Variants in ZNF626 observed in about 807,000 individuals in gnomAD.
The protein encoded by ZNF626 is zinc finger protein 626.
ZNF626 carries 4 observed loss-of-function variants against 11.7 expected under a neutral mutation model. The ratio of observed to expected loss-of-function variants is 0.34; its 90% CI spans 0.17 to 0.78. ZNF626 has a LOEUF of 0.78. Among genes scored for constraint, ZNF626 ranks in the 30% least tolerant of loss-of-function variants. ZNF626 has a pLI of 0.57. For missense variants in ZNF626, 588 were observed against 587.1 expected, an observed-to-expected ratio of 1.00 and a Z score of -0.01; for synonymous variants, 179 against 198.6, an observed-to-expected ratio of 0.90 and a Z score of 0.83.
intron 1 of ZNF626, among the ~76,000 whole-genome samples, chr19:20,652,139 T>C (rs1313442558): frequency 3.3e-5 from 5 of 152,190 alleles, no homozygotes; most frequent in African/African-American, 1.2e-4. Context: ...GTCCGGTCCT[T>C]TTTTGTAAAT....
intron 1 of ZNF626, among the ~76,000 whole-genome samples, chr19:20,657,463 C>G (rs1970216874): frequency 6.6e-6 from 1 of 151,830 alleles, no homozygotes; most frequent in African/African-American, 2.4e-5. Flanking sequence ...AAAAAATGAC[C>G]ATGTCCTTTG....
intron 1 of ZNF626, among the ~76,000 whole-genome samples, chr19:20,655,893 C>A (rs1970199569): frequency 6.6e-6 from 1 of 151,848 alleles, no homozygotes; most frequent in Non-Finnish European, 1.5e-5. Context: ...CGAGATCGCG[C>A]CACTGCACTC....
At chr19:20,659,853 G>C (rs1457339003) in intron 1 of ZNF626, among the ~76,000 whole-genome samples, 1 of 151,910 alleles carries the variant, frequency 6.6e-6, no homozygotes, top group East Asian at 1.9e-4. Flanking sequence ...CTGCCTGTGG[G>C]GCCCCAGCTT....
intron 3 of ZNF626, among the ~76,000 whole-genome samples, chr19:20,632,632 G>A (rs1057199606): frequency 2.6e-5 from 4 of 152,142 alleles, no homozygotes; most frequent in Admixed American, 1.3e-4. Flanking sequence ...TTGGTTTTCA[G>A]CTCCATCAGG....
chr19:20,631,682 C>A (rs1969907553), intron 3 of ZNF626, among the ~76,000 whole-genome samples: 1 of 150,618 alleles, frequency 6.6e-6, no homozygotes, highest in African/African-American at 2.5e-5. Context: ...CTATGTGTGT[C>A]CCTGCACGTG....
rs868993941 is a variant in ZNF626 at position 20,625,005 on chromosome 19, C to T, written c.872G>A (p.Gly291Asp). ...EKKPYKCEEC[G>D]KAFNRSSTLT... is the part of the protein sequence containing the mutation. ...GGTTGAGGACCGGTTGAAGGCTTTG[C>T]CACATTCTTCACATTTGTAGGGTTT... Residue 291 changes from glycine to aspartate, a missense_variant, in exon 4 of 4, where the codon GGC becomes GAC. Physicochemically the swap from Gly to Asp is moderately conservative, Grantham distance 94. Around this residue, in one of 4 missense-constraint regions of ZNF626, gnomAD observed 524 missense variants for 470.1 expected, o/e 1.11. Transcript: ENST00000601440. 1 of 1,613,690 alleles carries T rather than the reference C, an allele frequency of 6.2e-7. No individual in the cohort carries two copies. Among genetic ancestry groups the T allele is most frequent in the East Asian group, 2.2e-5 (1 of 44,866 alleles).
At chr19:20,625,762 G>GA in intron 3 of ZNF626, 112 bp from the exon 4 acceptor site, 1 of 1,090,012 alleles carries the variant, frequency 9.2e-7, no homozygotes, top group Non-Finnish European at 1.2e-6. Context: ...GATGACACAG[G>GA]AAAATACCAC....
At chr19:20,633,886 G>A (rs142706798) in intron 3 of ZNF626, among the ~76,000 whole-genome samples, 2,391 of 152,284 alleles carry the variant, frequency 0.016, 29 homozygotes, top group Non-Finnish European at 0.027. Flanking sequence ...TATCGCTCAC[G>A]TTGGGAGCTG....
chr19:20,626,520 C>G (rs1359720003), intron 3 of ZNF626, among the ~76,000 whole-genome samples: 1 of 152,142 alleles, frequency 6.6e-6, no homozygotes, highest in Non-Finnish European at 1.5e-5. Context: ...GAATTTGAGA[C>G]CAGCCTGGCC....
At chr19:20,647,405 T>C (rs892721882) in intron 1 of ZNF626, among the ~76,000 whole-genome samples, 3 of 151,134 alleles carry the variant, frequency 2.0e-5, no homozygotes, top group African/African-American at 7.3e-5. Flanking sequence ...AACTCTATAG[T>C]GAAAAAAATA....
chr19:20,636,133 A>C (rs1324932593), intron 3 of ZNF626, among the ~76,000 whole-genome samples: 1 of 152,120 alleles, frequency 6.6e-6, no homozygotes, highest in Non-Finnish European at 1.5e-5. Context: ...ATTCCCTCTC[A>C]AAAAAACCAA....
intron 3 of ZNF626, among the ~76,000 whole-genome samples, chr19:20,644,455 G>A (rs1970053591): frequency 6.6e-6 from 1 of 152,192 alleles, no homozygotes; most frequent in Non-Finnish European, 1.5e-5. Flanking sequence ...CAGCAGCCTT[G>A]TGACCAAGCT....
Position 20,625,274 on chromosome 19 carries a change from G to A in ZNF626, c.603C>T (p.Tyr201=). 6.2e-7 allele frequency: 1 copy of A among 1,613,850 alleles called. No individual in the cohort carries two copies. The highest frequency in any genetic ancestry group is 8.5e-7 in the Non-Finnish European group (1 of 1,179,984). Residue 201 remains tyrosine (Y), a synonymous_variant, in exon 4 of 4, where the codon TAC becomes TAT. Transcript: ENST00000601440. ...HKKIHTGGKP[Y]KCEECGKAFN... Reference sequence around the variant, plus strand: ...AGGCTTTGCCACATTCTTCACATTTGTAGGGTTTCCCTCCAGTATGAATTT... The same window carrying A: ...AGGCTTTGCCACATTCTTCACATTTATAGGGTTTCCCTCCAGTATGAATTT...
chr19:20,654,451 GTAAT>G (rs146893077), intron 1 of ZNF626, among the ~76,000 whole-genome samples: 32,863 of 151,442 alleles, frequency 0.22, 3,928 homozygotes, highest in East Asian at 0.46. Flanking sequence ...GGCTTACACT[GTAAT>G]CCCAGCACTT....
chr19:20,626,799 G>C (rs985752035), intron 3 of ZNF626, among the ~76,000 whole-genome samples: 1 of 151,692 alleles, frequency 6.6e-6, no homozygotes, highest in African/African-American at 2.4e-5. Flanking sequence ...CTCCTAATTT[G>C]AGGTCAGGAG....
intron 2 of ZNF626, 23 bp from the exon 3 acceptor site, chr19:20,645,802 C>CATA: frequency 6.3e-7 from 1 of 1,581,744 alleles, no homozygotes; most frequent in East Asian, 2.2e-5. Flanking sequence ...AAATAAATAA[C>CATA]ATAAATCTTG....
At chr19:20,659,089 C>A (rs1426885524) in intron 1 of ZNF626, among the ~76,000 whole-genome samples, 1 of 152,184 alleles carries the variant, frequency 6.6e-6, no homozygotes, top group African/African-American at 2.4e-5. Context: ...CTTTTGTGTG[C>A]TCCAGGAACA....
At chr19:20,658,725 A>C (rs1169231154) in intron 1 of ZNF626, among the ~76,000 whole-genome samples, 3 of 152,112 alleles carry the variant, frequency 2.0e-5, no homozygotes, top group Non-Finnish European at 4.4e-5. Flanking sequence ...ACACCAACTC[A>C]TTGCCTAATA....
At chr19:20,638,214 G>C (rs1555771104) in intron 3 of ZNF626, among the ~76,000 whole-genome samples, 2 of 152,080 alleles carry the variant, frequency 1.3e-5, no homozygotes, top group Non-Finnish European at 2.9e-5. Flanking sequence ...TCTGAAGTCA[G>C]GAGTTCAAGA....
Sources: allele counts gnomAD v4.1 joint callset (sites outside exome capture counted in the v4.1 genomes callset), GRCh38; gene constraint gnomAD v4.1.1; regional missense constraint gnomAD v4.1.1; transcripts MANE v1.5; gene names NCBI Gene and HGNC (gene_info 2026-07-23, HGNC 2026-07-21).